The following TRPC6 variants were observed in gnomAD, a reference collection of about 807,000 sequenced individuals.
TRPC6 encodes short transient receptor potential channel 6.
In TRPC6, 55 loss-of-function variants were observed where a neutral mutation model predicts 90.7. The ratio of observed to expected loss-of-function variants is 0.61; its 90% CI spans 0.49 to 0.76. The LOEUF (loss-of-function observed/expected upper bound fraction) is 0.76. Among genes scored for constraint, TRPC6 ranks in the 30% least tolerant of loss-of-function variants. The pLI is 0.00. For synonymous variants in TRPC6, 393 were observed against 393.0 expected, an observed-to-expected ratio of 1.00 and a Z score of 0.00; for missense variants, 989 against 1,122.7, an observed-to-expected ratio of 0.88 and a Z score of 1.70.
chr11:101,562,487 T>C (rs913380961), intron 1 of TRPC6, among the ~76,000 whole-genome samples: 9 of 152,154 alleles, frequency 5.9e-5, no homozygotes, highest in Non-Finnish European at 1.2e-4. Flanking sequence ...CACTAGATAT[T>C]TTTTATATAT....
intron 10 of TRPC6, among the ~76,000 whole-genome samples, chr11:101,463,948 T>C (rs904588502): frequency 1.3e-5 from 2 of 152,248 alleles, no homozygotes; most frequent in Non-Finnish European, 2.9e-5. Flanking sequence ...CATTTAGTGC[T>C]ATAAATTTCC....
In TRPC6 at chr11:101,482,154, T is replaced by C. The variant is rs149191737; in HGVS notation, c.1510+795A>G. Among the ~76,000 whole-genome samples the C allele has an allele frequency of 5.1e-3, 775 of 152,340 alleles. 2 individuals are homozygous for C. The highest frequency in any genetic ancestry group is 0.018 in the African/African-American group (738 of 41,582). ...TTATAGCATTTGTCACATTGAATTT[T>C]AATTATTGATTTACTTACTGACCTG... On this transcript the variant is annotated intron_variant, in intron 5 of 12. Coordinates refer to ENST00000344327, the MANE Select transcript of TRPC6 (RefSeq NM_004621.6).
At chr11:101,490,949 T>C (rs1254890287) in intron 3 of TRPC6, among the ~76,000 whole-genome samples, 1 of 152,230 alleles carries the variant, frequency 6.6e-6, no homozygotes, top group Non-Finnish European at 1.5e-5. Flanking sequence ...ATGGTGATGT[T>C]CCTGTCTTAT....
chr11:101,554,161 A>G (rs1274495337), intron 1 of TRPC6, among the ~76,000 whole-genome samples: 3 of 152,156 alleles, frequency 2.0e-5, no homozygotes, highest in Non-Finnish European at 4.4e-5. Flanking sequence ...TGCTCCAGGC[A>G]GACAGACCAG....
chr11:101,490,540 T>A (rs1385120515), intron 3 of TRPC6, among the ~76,000 whole-genome samples: 5 of 152,308 alleles, frequency 3.3e-5, no homozygotes, highest in East Asian at 1.9e-4. Context: ...CACTGCAACC[T>A]CTGCCTCCAG....
At chr11:101,472,911 C>A (rs2136672612) in intron 7 of TRPC6, among the ~76,000 whole-genome samples, 1 of 151,844 alleles carries the variant, frequency 6.6e-6, no homozygotes, top group East Asian at 1.9e-4. Context: ...TCAGTTGTTG[C>A]TTCTTATTAT....
intron 1 of TRPC6, among the ~76,000 whole-genome samples, chr11:101,523,459 T>A (rs561795979): frequency 6.6e-6 from 1 of 152,240 alleles, no homozygotes; most frequent in Non-Finnish European, 1.5e-5. Flanking sequence ...AAAATGGAAC[T>A]GAACAGTTGC....
At chr11:101,551,020 G>A (rs568913133) in intron 1 of TRPC6, among the ~76,000 whole-genome samples, 2 of 151,760 alleles carry the variant, frequency 1.3e-5, no homozygotes, top group East Asian at 3.9e-4. Flanking sequence ...TTTTCATTAA[G>A]AGCAACTATA....
intron 1 of TRPC6, among the ~76,000 whole-genome samples, chr11:101,526,450 A>G (rs1860781348): frequency 6.6e-6 from 1 of 152,236 alleles, no homozygotes; most frequent in African/African-American, 2.4e-5. Flanking sequence ...GTCAAGATCA[A>G]TAAGTATAGT....
intron 1 of TRPC6, among the ~76,000 whole-genome samples, chr11:101,570,844 A>T (rs942092542): frequency 6.6e-6 from 1 of 152,126 alleles, no homozygotes; most frequent in Non-Finnish European, 1.5e-5. Context: ...AAAAACTCTC[A>T]AACTAGGCAT....
At chr11:101,463,582 T>C (rs1859060505) in intron 10 of TRPC6, among the ~76,000 whole-genome samples, 1 of 152,226 alleles carries the variant, frequency 6.6e-6, no homozygotes, top group Non-Finnish European at 1.5e-5. Context: ...CTAGATTTTC[T>C]AGCTTATTTG....
chr11:101,554,936 T>C (rs1378159543), intron 1 of TRPC6, among the ~76,000 whole-genome samples: 1 of 152,160 alleles, frequency 6.6e-6, no homozygotes, highest in East Asian at 1.9e-4. Flanking sequence ...TTGCTCTCTA[T>C]GCCTGAGTCT....
chr11:101,483,855 T>C (rs1390097816), intron 4 of TRPC6, among the ~76,000 whole-genome samples: 2 of 152,168 alleles, frequency 1.3e-5, no homozygotes, highest in Non-Finnish European at 2.9e-5. Flanking sequence ...CCAGATTCTT[T>C]ATATGAAATA....
intron 1 of TRPC6, among the ~76,000 whole-genome samples, chr11:101,550,060 T>C (rs1008089198): frequency 4.0e-5 from 6 of 151,650 alleles, no homozygotes; most frequent in African/African-American, 1.4e-4. Flanking sequence ...CTCATGAAAA[T>C]AATTCTATTC....
intron 1 of TRPC6, among the ~76,000 whole-genome samples, chr11:101,568,264 CT>C (rs1706559966): frequency 6.6e-6 from 1 of 151,986 alleles, no homozygotes; most frequent in South Asian, 2.1e-4. Flanking sequence ...GTGGAAGAAA[CT>C]GTATCAGAAG....
At chr11:101,534,960 G>A (rs1365914719) in intron 1 of TRPC6, among the ~76,000 whole-genome samples, 12 of 152,048 alleles carry the variant, frequency 7.9e-5, no homozygotes, top group Admixed American at 2.6e-4. Context: ...TCAAGGGTTC[G>A]CGAACAGCCT....
rs1565441513 is a variant in TRPC6, at chr11:101,453,750, C to G, written c.2569-25G>C. 1.9e-6 allele frequency: 3 copies of G among 1,600,842 alleles called. No homozygotes were observed. The African/African-American group carries it at 4.0e-5, about 21-fold the overall frequency. On this transcript the variant is annotated intron_variant, in intron 11 of 12. Coordinates refer to ENST00000344327, the MANE Select transcript of TRPC6 (RefSeq NM_004621.6). ...TCTAGAAAACAGAGAAAGGAGAAAT[C>G]TATGTCAGTTTCAGGTTCATGACAA...
intron 1 of TRPC6, among the ~76,000 whole-genome samples, chr11:101,515,694 C>A (rs1253682333): frequency 6.6e-6 from 1 of 152,084 alleles, no homozygotes; most frequent in Non-Finnish European, 1.5e-5. Flanking sequence ...TTTTACTTGT[C>A]ATAAAGTGAA....
chr11:101,455,072 C>T lies in TRPC6; in HGVS notation c.2514G>A (p.Arg838=). 6.2e-7 allele frequency: 1 copy of T among 1,612,388 alleles called. No homozygotes were observed. Among genetic ancestry groups the T allele is most frequent in the Non-Finnish European group, 8.5e-7 (1 of 1,178,982 alleles). ...QVGHNKQPSI[R]SSEDFHLNSF... ...TATTTAGATGGAAATCTTCTGAGCT[C>T]CTTATACTTGGTTGTTTATTGTGCC... is the stretch of plus-strand genomic sequence containing the variant. Residue 838 remains arginine (R), a synonymous_variant, in exon 11 of 13, where the codon AGG becomes AGA. Coordinates refer to ENST00000344327, the MANE Select transcript of TRPC6 (RefSeq NM_004621.6).
Sources: allele counts gnomAD v4.1 joint callset (sites outside exome capture counted in the v4.1 genomes callset), GRCh38; gene constraint gnomAD v4.1.1; transcripts MANE v1.5; gene names NCBI Gene and HGNC (gene_info 2026-07-23, HGNC 2026-07-21).